EXT1: variants seen among roughly 807,000 people sequenced by gnomAD.
The protein encoded by EXT1 is exostosin-1.
Under a neutral mutation model 82.5 loss-of-function variants are expected in EXT1, and 20 were observed. That is an observed-to-expected ratio of 0.24 (90% CI 0.17 to 0.35). The LOEUF (loss-of-function observed/expected upper bound fraction) is 0.35. Among genes scored for constraint, EXT1 ranks in the 10% least tolerant of loss-of-function variants. The pLI, the probability that EXT1 is intolerant of heterozygous loss-of-function variation, is 1.00. For synonymous variants in EXT1, 348 were observed against 350.8 expected (o/e 0.99, Z 0.09); for missense variants, 757 against 936.5 (o/e 0.81, Z 2.50).
chr8:117,984,158 C>T (rs765275607), intron 1 of EXT1, among the ~76,000 whole-genome samples: 1 of 152,192 alleles, frequency 6.6e-6, no homozygotes, highest in Non-Finnish European at 1.5e-5. Flanking sequence ...GTGGCTCACA[C>T]CTGTCATCCC....
At chr8:118,018,075 A>G (rs1816033080) in intron 1 of EXT1, among the ~76,000 whole-genome samples, 2 of 152,362 alleles carry the variant, frequency 1.3e-5, no homozygotes, top group South Asian at 4.1e-4. Flanking sequence ...AGTGTGATAT[A>G]TACATATCCA....
intron 1 of EXT1, among the ~76,000 whole-genome samples, chr8:118,084,230 T>A (rs1158835849): frequency 6.6e-6 from 1 of 152,074 alleles, no homozygotes; most frequent in Non-Finnish European, 1.5e-5. Context: ...GATCACAGAG[T>A]ATACAGAGTT....
chr8:117,900,560 C>A (rs1272702428), intron 1 of EXT1, among the ~76,000 whole-genome samples: 1 of 152,162 alleles, frequency 6.6e-6, no homozygotes, highest in African/African-American at 2.4e-5. Context: ...GGGTAGGTCT[C>A]CATTCTACCC....
chr8:117,832,631 C>A (rs1172942357), intron 3 of EXT1, among the ~76,000 whole-genome samples: 11 of 152,122 alleles, frequency 7.2e-5, no homozygotes, highest in Non-Finnish European at 8.8e-5. Flanking sequence ...AGGAATATCA[C>A]AGACTCACCT....
At chr8:118,050,765 T>G (rs1366336205) in intron 1 of EXT1, among the ~76,000 whole-genome samples, 1 of 152,208 alleles carries the variant, frequency 6.6e-6, no homozygotes, top group Non-Finnish European at 1.5e-5. Context: ...AAGCCATTCT[T>G]AGCCCACAGA....
intron 1 of EXT1, among the ~76,000 whole-genome samples, chr8:117,943,505 A>G (rs1309028209): frequency 6.6e-6 from 1 of 152,242 alleles, no homozygotes; most frequent in Non-Finnish European, 1.5e-5. Context: ...ATTCAGTAGA[A>G]TGGAAACTGC....
chr8:117,991,139 C>T (rs1045192000), intron 1 of EXT1, among the ~76,000 whole-genome samples: 2 of 151,632 alleles, frequency 1.3e-5, no homozygotes, highest in African/African-American at 4.9e-5. Flanking sequence ...TGGACCCTCG[C>T]TCTGTCACCC....
chr8:117,944,496 T>C (rs1814348372), intron 1 of EXT1, among the ~76,000 whole-genome samples: 1 of 152,242 alleles, frequency 6.6e-6, no homozygotes, highest in Non-Finnish European at 1.5e-5. Context: ...TACTACTCTT[T>C]AGAGCTGTTT....
intron 1 of EXT1, among the ~76,000 whole-genome samples, chr8:117,906,781 TA>T (rs983562924): frequency 6.6e-6 from 1 of 152,198 alleles, no homozygotes; most frequent in Non-Finnish European, 1.5e-5. Flanking sequence ...GTGTATGGTT[TA>T]CACCTATTTT....
intron 1 of EXT1, among the ~76,000 whole-genome samples, chr8:117,931,755 G>A (rs966829418): frequency 2.0e-5 from 3 of 152,186 alleles, no homozygotes; most frequent in African/African-American, 7.2e-5. Flanking sequence ...ATCCATCTAT[G>A]TTTTAGGTAT....
chr8:118,095,868 C>T (rs1243021649), intron 1 of EXT1, among the ~76,000 whole-genome samples: 2 of 152,200 alleles, frequency 1.3e-5, no homozygotes, highest in African/African-American at 2.4e-5. Context: ...CAATATCCCA[C>T]AGGATTCTAC....
At chr8:117,809,175 G>A (rs1219325820) in intron 8 of EXT1, among the ~76,000 whole-genome samples, 1 of 142,938 alleles carries the variant, frequency 7.0e-6, no homozygotes, top group African/African-American at 2.6e-5. Context: ...ATGTATGTAT[G>A]TATGTGCATG....
At chr8:117,895,854 C>A (rs1218809420) in intron 1 of EXT1, among the ~76,000 whole-genome samples, 1 of 152,126 alleles carries the variant, frequency 6.6e-6, no homozygotes, top group Non-Finnish European at 1.5e-5. Flanking sequence ...CTAGTGCCTC[C>A]GTTCGCATCC....
intron 1 of EXT1, among the ~76,000 whole-genome samples, chr8:117,977,830 A>T (rs1297197467): frequency 6.6e-6 from 1 of 152,218 alleles, no homozygotes; most frequent in Non-Finnish European, 1.5e-5. Flanking sequence ...TAAAGAATTT[A>T]AATTTAAGGA....
chr8:118,037,043 G>A (rs971654332), intron 1 of EXT1, among the ~76,000 whole-genome samples: 1 of 152,184 alleles, frequency 6.6e-6, no homozygotes, highest in Non-Finnish European at 1.5e-5. Flanking sequence ...ACTCAAGCAA[G>A]AGTAAGAAAC....
intron 1 of EXT1, among the ~76,000 whole-genome samples, chr8:117,863,775 A>C (rs902416799): frequency 6.6e-6 from 1 of 152,152 alleles, no homozygotes; most frequent in African/African-American, 2.4e-5. Flanking sequence ...TATGTCAGCA[A>C]CGCAGGGTGA....
chr8:117,909,898 G>A (rs1240807918), intron 1 of EXT1, among the ~76,000 whole-genome samples: 1 of 152,130 alleles, frequency 6.6e-6, no homozygotes, highest in Non-Finnish European at 1.5e-5. Context: ...CTCCCAAGTA[G>A]CTGGGATTAC....
intron 1 of EXT1, among the ~76,000 whole-genome samples, chr8:117,907,368 C>G (rs928803814): frequency 6.6e-6 from 1 of 152,184 alleles, no homozygotes; most frequent in African/African-American, 2.4e-5. Flanking sequence ...CAGAGCCTTG[C>G]ACAAAGGGTT....
intron 1 of EXT1, among the ~76,000 whole-genome samples, chr8:117,840,651 G>T (rs1812260945): frequency 6.6e-6 from 1 of 151,422 alleles, no homozygotes; most frequent in African/African-American, 2.4e-5. Context: ...GAACGTATTT[G>T]CCAATCATAT....
Sources: gnomAD v4.1 joint callset for allele counts (sites outside exome capture counted in the v4.1 genomes callset) on GRCh38, gnomAD v4.1.1 for gene constraint, MANE v1.5 for transcripts, NCBI Gene and HGNC (gene_info 2026-07-23, HGNC 2026-07-21) for gene names.